CUL7: variants seen among roughly 807,000 people sequenced by gnomAD.
CUL7 encodes cullin 7.
A neutral mutation model predicts 177.7 loss-of-function variants in CUL7; 96 were observed. That is an observed-to-expected ratio of 0.54 (90% CI 0.46 to 0.64). The LOEUF (loss-of-function observed/expected upper bound fraction) is 0.64, where lower values mean the gene tolerates loss of function less well. Ranked by LOEUF, CUL7 falls within the 30% of genes least tolerant of loss-of-function variation. The probability of loss-of-function intolerance (pLI) is 0.00; values close to 1 mark genes in which losing one functional copy is unlikely to be tolerated. For synonymous variants in CUL7, 824 were observed against 890.2 expected (o/e 0.93, Z 1.32); for missense variants, 1,893 against 2,187.9 (o/e 0.87, Z 2.69).
rs1561883781 is a variant in CUL7, at chr6:43,045,708, A to G, written c.2767-26T>C. On this transcript the variant is annotated intron_variant, in intron 13 of 25. Transcript: ENST00000265348. This position sits in a 1 kb window ranked among gnomAD's most constrained non-coding sequence, Gnocchi z 4.8. ...CTGGCAGGGGGCAGAGAAAGCTGTC[A>G]CCTCCACACATGCAGAGCCAAGTTG... The G allele has an allele frequency of 6.2e-7, 1 of 1,611,284 alleles. No individual in the cohort carries two copies. Among genetic ancestry groups the G allele is most frequent in the Middle Eastern group, 1.7e-4 (1 of 6,058 alleles).
At chr6:43,038,164 C>G (rs1000445366) in intron 25 of CUL7, 103 bp downstream of exon 25, 4 of 1,499,818 alleles carry the variant, frequency 2.7e-6, no homozygotes, top group African/African-American at 2.8e-5. Context: ...ACAGGCTACA[C>G]AGTGAACCAG....
chr6:43,037,677 C>T lies in CUL7; in HGVS notation c.*11G>A. The T allele has an allele frequency of 6.5e-7, 1 of 1,550,322 alleles. No individual in the cohort carries two copies. The highest frequency in any genetic ancestry group is 8.7e-7 in the Non-Finnish European group (1 of 1,145,564). On this transcript the variant is annotated 3_prime_UTR_variant, in exon 26 of 26. Coordinates refer to ENST00000265348, the MANE Select transcript of CUL7 (RefSeq NM_014780.5). ...CTCCAGCTCTACCTTCCCCTGACCC[C>T]AAGTCTAGGGCTACCGGAAGGTAGA...
At chr6:43,046,840 T>C (rs772208056) in intron 10 of CUL7, 40 bp downstream of exon 10, 5 of 1,346,760 alleles carry the variant, frequency 3.7e-6, no homozygotes, top group Non-Finnish European at 5.3e-6. Context: ...TTTCATATTC[T>C]GATGCCACTC....
intron 10 of CUL7, 33 bp from the exon 11 acceptor site, chr6:43,046,634 G>C: frequency 6.2e-7 from 1 of 1,613,604 alleles, no homozygotes; most frequent in Non-Finnish European, 8.5e-7. Context: ...AAGGGGCACA[G>C]GGGCAGAAGG....
chr6:43,046,374 C>T lies in CUL7; in HGVS notation c.2522G>A (p.Trp841Ter), dbSNP rs1763907161. Residue 841 changes from tryptophan (W) to a stop codon, truncating the protein, a stop_gained, in exon 12 of 26, where the codon TGG (tryptophan) becomes TAG (stop). Transcript: ENST00000265348. LOFTEE classifies it high-confidence loss of function. The stretch of plus-strand genomic sequence containing the variant: ...GTTGGAGGACACCTCCACCTTCTCC[C>T]AGCACTTGTCCTCCTTCACTTCCAC... ...SSVEVKEDKC[W>*]EKVEVSSNPH... 6.2e-7 allele frequency: 1 copy of T among 1,614,240 alleles called. No individual in the cohort carries two copies. Among genetic ancestry groups the T allele is most frequent in the Non-Finnish European group, 8.5e-7 (1 of 1,180,040 alleles).
At chr6:43,042,140 CAGGA>C (rs949248957) in intron 19 of CUL7, among the ~76,000 whole-genome samples, 8 of 148,386 alleles carry the variant, frequency 5.4e-5, no homozygotes, top group African/African-American at 1.7e-4. Context: ...GGAAGGAAGG[CAGGA>C]AGGGAGAAAG....
At position 43,047,176 on chromosome 6, in the gene CUL7, AG is replaced by A. The variant is rs1173479731; in HGVS notation, c.2170-70del. On this transcript the variant is annotated intron_variant, in intron 9 of 25. Transcript: ENST00000265348. ...GGGCCACAAGGGCACCTGCAGTAGC[AG>A]GTACCCACTGTGTACTCTGTGTACT... is the stretch of plus-strand genomic sequence containing the variant. The A allele has an allele frequency of 6.9e-6, 6 of 866,460 alleles. No homozygotes were observed. In the African/African-American group the frequency reaches 9.9e-5, roughly 14 times the overall value. 53.7% of individuals were successfully genotyped at this position (866,460 alleles called of 1,614,324 possible). A position where few individuals can be genotyped will look rare whatever the true frequency, so the allele number is the denominator to read the frequency against.
chr6:43,048,473 G>A lies in CUL7; in HGVS notation c.1922C>T (p.Ala641Val), dbSNP rs1464007937. ...CTCCTGGGTCCCCTCTGAGCTGAGG[G>A]CTTGCTCTAGATCCAGGAGGATTTT... ...AGKILLDLEQALSSEGTQENK... is the reference protein window; with the variant it reads ...AGKILLDLEQVLSSEGTQENK... Residue 641 changes from alanine (A) to valine (V), a missense_variant, in exon 8 of 26, where the codon GCC becomes GTC. By Grantham distance (64) the Ala-to-Val change is moderately conservative. Around this residue, in one of 5 missense-constraint regions of CUL7, gnomAD observed 973 missense variants for 1,140.9 expected, o/e 0.85. Coordinates refer to ENST00000265348, the MANE Select transcript of CUL7 (RefSeq NM_014780.5). 1.2e-6 allele frequency: 2 copies of A among 1,614,128 alleles called. No individual in the cohort carries two copies. The highest frequency in any genetic ancestry group is 1.1e-5 in the South Asian group (1 of 91,076).
Position 43,048,932 on chromosome 6 carries a change from A to AT in CUL7, c.1826-364dup, listed in dbSNP as rs141401425. ...AGGTGCCCACCACCACGCCCGGCTA[A>AT]TTTTTTTTTTTTTGTAGTTTTAGTA... On this transcript the variant is annotated intron_variant, in intron 7 of 25. Coordinates refer to ENST00000265348, the MANE Select transcript of CUL7 (RefSeq NM_014780.5). Among the ~76,000 whole-genome samples the AT allele has an allele frequency of 3.1e-3, 444 of 144,224 alleles. 1 individual carries two copies. The highest frequency in any genetic ancestry group is 4.4e-3 in the Non-Finnish European group (288 of 65,252). 94.6% of individuals were successfully genotyped at this position (144,224 alleles called of 152,430 possible).
chr6:43,041,609 TAAAGAAAGAG>T (rs1453722031), intron 19 of CUL7, among the ~76,000 whole-genome samples: 2 of 129,346 alleles, frequency 1.5e-5, no homozygotes, highest in African/African-American at 6.0e-5. Context: ...AAGAAAGAAG[TAAAGAAAGAG>T]AAAGAAAGGG....
chr6:43,051,127 G>T lies in CUL7; in HGVS notation c.1074C>A (p.Arg358=). 6.2e-7 allele frequency: 1 copy of T among 1,614,224 alleles called. No homozygotes were observed. Residue 358 remains arginine, a synonymous_variant, in exon 4 of 26, where the codon CGC becomes CGA. Transcript: ENST00000265348. This position sits in a 1 kb window ranked among gnomAD's most constrained non-coding sequence, Gnocchi z 5.0. ...QPSFRRSRRF[R]PRSEFASGNT... Reference sequence around the variant, plus strand: ...TGCCACTTGCGAACTCAGAACGAGGGCGAAAACGTCTTGACCTCCTGAAGG... The same window carrying T: ...TGCCACTTGCGAACTCAGAACGAGGTCGAAAACGTCTTGACCTCCTGAAGG...
rs773881274 is a variant in CUL7, at chr6:43,051,622, T to C, written c.722A>G (p.Gln241Arg). The C allele has an allele frequency of 2.5e-6, 4 of 1,614,174 alleles. No homozygotes were observed. In the South Asian group the frequency reaches 4.4e-5, roughly 18 times the overall value. The change falls in exon 3 of 26, where the codon CAG becomes CGG. Residue 241 changes from glutamine (Q) to arginine (R), a missense_variant. This residue lies in a region of CUL7 where 653 missense variants were observed against 725.2 expected (regional missense o/e 0.90). Coordinates refer to ENST00000265348, the MANE Select transcript of CUL7 (RefSeq NM_014780.5). This position sits in a 1 kb window ranked among gnomAD's most constrained non-coding sequence, Gnocchi z 5.0. The part of the protein sequence containing the change: ...SEHPMSFEGI[Q>R]LPQVPGRVLF... ...ACCCCCAAAGGTTACCTGTGGTAGCTGAATGCCCTCGAAAGACATGGGGTG... is the reference window on the plus strand; with the variant it reads ...ACCCCCAAAGGTTACCTGTGGTAGCCGAATGCCCTCGAAAGACATGGGGTG...
Position 43,045,318 on chromosome 6 carries a change from G to C in CUL7, c.2947C>G (p.Arg983Gly). 1 of 1,614,204 alleles carries C rather than the reference G, an allele frequency of 6.2e-7. No individual in the cohort carries two copies. Among genetic ancestry groups the C allele is most frequent in the African/African-American group, 1.3e-5 (1 of 75,034 alleles). The change falls in exon 15 of 26, where the codon CGT (arginine) becomes GGT (glycine). Residue 983 changes from arginine to glycine, a missense_variant. By Grantham distance (125) the Arg-to-Gly change is moderately radical (BLOSUM62 -2). Around this residue, in one of 5 missense-constraint regions of CUL7, gnomAD observed 973 missense variants for 1,140.9 expected, o/e 0.85. Transcript: ENST00000265348. The surrounding 1 kb of genome is among the most constrained non-coding windows in gnomAD (Gnocchi z 4.8). The part of the protein sequence containing the change: ...FWPVFREQLC[R>G]HTRLFYMVRA... ...ACCATGTAGAAGAGGCGTGTGTGAC[G>C]ACAGAGCTGCTCCCGGAACACTGGC...
intron 19 of CUL7, among the ~76,000 whole-genome samples, chr6:43,042,134 G>A (rs1275084562): frequency 6.6e-6 from 1 of 151,046 alleles, no homozygotes; most frequent in Non-Finnish European, 1.5e-5. Flanking sequence ...AAGGAAGGAA[G>A]GAAGGCAGGA....
chr6:43,052,436 A>G lies in CUL7; in HGVS notation c.353T>C (p.Ile118Thr). ...CTCCAGCTGCCGAAGGGCTCTCTGA[A>G]TGAGGGACTTCACGTCGGTTTCCAT... ...EEMETDVKSL[I>T]QRALRQLEEC... Residue 118 changes from isoleucine to threonine, a missense_variant, in exon 2 of 26, where the codon ATT becomes ACT. Physicochemically the swap from Ile to Thr is moderately conservative, Grantham distance 89. Around this residue, in one of 5 missense-constraint regions of CUL7, gnomAD observed 653 missense variants for 725.2 expected, o/e 0.90. Coordinates refer to ENST00000265348, the MANE Select transcript of CUL7 (RefSeq NM_014780.5). This position sits in a 1 kb window ranked among gnomAD's most constrained non-coding sequence, Gnocchi z 4.5. The G allele has an allele frequency of 1.9e-6, 3 of 1,614,088 alleles. No individual in the cohort carries two copies. Among genetic ancestry groups the G allele is most frequent in the Non-Finnish European group, 2.5e-6 (3 of 1,179,928 alleles).
chr6:43,042,117 G>GGGAAGGAA (rs1205097372), intron 19 of CUL7, among the ~76,000 whole-genome samples: 3 of 143,458 alleles, frequency 2.1e-5, no homozygotes, highest in Admixed American at 1.4e-4. Flanking sequence ...GAGGGAAGGA[G>GGGAAGGAA]GGAAGGAAGG....
In CUL7 at chr6:43,037,861, G is replaced by C. The variant is rs1763078835; in HGVS notation, c.4924C>G (p.Gln1642Glu). The change falls in exon 26 of 26, where the codon CAG becomes GAG. Residue 1642 changes from glutamine to glutamate, a missense_variant. Physicochemically the swap from Gln to Glu is conservative, Grantham distance 29. Coordinates refer to ENST00000265348, the MANE Select transcript of CUL7 (RefSeq NM_014780.5). ...GTLRRHDDRP[Q>E]VLSYAVPVTV... ...ACAGGGACTGCATAGGACAGCACCTGGGGCCGGTCGTCATGGCGTCTCAGC... is the reference window on the plus strand; with the variant it reads ...ACAGGGACTGCATAGGACAGCACCTCGGGCCGGTCGTCATGGCGTCTCAGC... 6.2e-7 allele frequency: 1 copy of C among 1,613,572 alleles called. No individual in the cohort carries two copies.
At chr6:43,042,376 G>C (rs993847005) in intron 19 of CUL7, among the ~76,000 whole-genome samples, 12 of 151,470 alleles carry the variant, frequency 7.9e-5, no homozygotes, top group African/African-American at 2.9e-4. Context: ...GCTCTGTCAC[G>C]CAGGCTGGAG....
rs973521205 is a variant in CUL7 at position 43,050,744 on chromosome 6, T to C, written c.1233+224A>G. ...CTTTGGAGGAGTCTGGCTATATCAG[T>C]TTCTTCCCAGGTGTGAGTCTTCTTG... On this transcript the variant is annotated intron_variant, in intron 4 of 25. Transcript: ENST00000265348. The surrounding 1 kb of genome is among the most constrained non-coding windows in gnomAD (Gnocchi z 4.1). Among the ~76,000 whole-genome samples the C allele has an allele frequency of 2.0e-5, 3 of 152,002 alleles. No homozygotes were observed. The highest frequency in any genetic ancestry group is 4.4e-5 in the Non-Finnish European group (3 of 68,000).
Sources: allele counts gnomAD v4.1 joint callset (sites outside exome capture counted in the v4.1 genomes callset), GRCh38; gene constraint gnomAD v4.1.1; regional missense constraint gnomAD v4.1.1; non-coding constraint Gnocchi (gnomAD v3.1); transcripts MANE v1.5; gene names NCBI Gene and HGNC (gene_info 2026-07-23, HGNC 2026-07-21).